The following KLHL13 variants were observed in gnomAD, a reference collection of about 807,000 sequenced individuals.
The protein encoded by KLHL13 is kelch like family member 13.
KLHL13 carries 10 observed loss-of-function variants against 37.1 expected under a neutral mutation model. The ratio of observed to expected loss-of-function variants is 0.27; its 90% CI spans 0.17 to 0.46. The LOEUF (loss-of-function observed/expected upper bound fraction) is 0.46. Ranked by LOEUF, KLHL13 falls within the 20% of genes least tolerant of loss-of-function variation. The pLI is 1.00. For missense variants in KLHL13, 360 were observed against 509.3 expected, an observed-to-expected ratio of 0.71 and a Z score of 2.82; for synonymous variants, 163 against 181.2, an observed-to-expected ratio of 0.90 and a Z score of 0.81.
At chrX:118,013,540 G>A (rs1034694649) in intron 1 of KLHL13, among the ~76,000 whole-genome samples, 2 of 112,063 alleles carry the variant, frequency 1.8e-5, no homozygotes, top group Non-Finnish European at 3.8e-5. Flanking sequence ...AGCCAAGTAA[G>A]ATAAGATGAG....
chrX:118,019,147 C>A (rs974537324), intron 1 of KLHL13, among the ~76,000 whole-genome samples: 1 of 111,207 alleles, frequency 9.0e-6, no homozygotes, highest in African/African-American at 3.3e-5. Flanking sequence ...GATTACATCT[C>A]TAGACTTATT....
intron 1 of KLHL13, among the ~76,000 whole-genome samples, chrX:118,080,739 A>T (rs2148129395): frequency 8.9e-6 from 1 of 112,362 alleles, no homozygotes; most frequent in Admixed American, 9.4e-5. Flanking sequence ...TTACCATTTG[A>T]TTCAGCAATC....
At chrX:118,061,713 T>C (rs769762374) in intron 1 of KLHL13, among the ~76,000 whole-genome samples, 2 of 111,797 alleles carry the variant, frequency 1.8e-5, no homozygotes, top group Admixed American at 1.9e-4. Context: ...GCAGAGGATA[T>C]TTGAGTCCAT....
chrX:117,981,383 A>T (rs1287920486), intron 1 of KLHL13, among the ~76,000 whole-genome samples: 7 of 112,359 alleles, frequency 6.2e-5, no homozygotes, highest in Non-Finnish European at 9.4e-5. Context: ...AACAGAATTC[A>T]TCTTCTAGGT....
intron 1 of KLHL13, among the ~76,000 whole-genome samples, chrX:118,019,813 C>T (rs2054179679): frequency 9.8e-6 from 1 of 101,574 alleles, no homozygotes; most frequent in African/African-American, 3.9e-5. Context: ...AGATATGAGG[C>T]GTTATTTCTG....
intron 1 of KLHL13, among the ~76,000 whole-genome samples, chrX:118,036,704 C>T (rs2054446821): frequency 9.0e-6 from 1 of 111,187 alleles, no homozygotes; most frequent in Non-Finnish European, 1.9e-5. Flanking sequence ...ATGTCTAAAA[C>T]ACCAAAAGCA....
chrX:118,090,714 G>C (rs1296047978), intron 1 of KLHL13, among the ~76,000 whole-genome samples: 1 of 109,579 alleles, frequency 9.1e-6, no homozygotes, highest in Admixed American at 9.7e-5. Flanking sequence ...GTGGAAGTCA[G>C]TGTGGCGATT....
chrX:118,029,590 AT>A (rs2054313599), intron 1 of KLHL13, among the ~76,000 whole-genome samples: 1 of 112,212 alleles, frequency 8.9e-6, no homozygotes, highest in Non-Finnish European at 1.9e-5. Flanking sequence ...CAAAATGTAA[AT>A]TTTACTTAAA....
At chrX:118,004,787 AG>A (rs1469992091) in intron 1 of KLHL13, among the ~76,000 whole-genome samples, 3 of 111,872 alleles carry the variant, frequency 2.7e-5, no homozygotes, top group Non-Finnish European at 5.6e-5. Context: ...ACCTTAATCA[AG>A]TTATCAAGTT....
chrX:118,007,464 T>C lies in KLHL13; in HGVS notation c.-55-61889A>G, dbSNP rs532644486. 4.0e-4 allele frequency among the ~76,000 whole-genome samples: 44 copies of C among 109,526 alleles called. 1 individual carries two copies. The South Asian group carries it at 0.018, about 44-fold the overall frequency. On this transcript the variant is annotated intron_variant, in intron 1 of 6. Coordinates refer to the KLHL13 transcript ENST00000371882. Reference sequence around the variant, plus strand: ...ATTTGGACAAAGTTATATATTAGTATTTTCAATAATGTGCCAGGGAAAAAG... The same window carrying C: ...ATTTGGACAAAGTTATATATTAGTACTTTCAATAATGTGCCAGGGAAAAAG...
At chrX:117,907,101 A>G (rs112999966) in intron 5 of KLHL13, among the ~76,000 whole-genome samples, 2,965 of 111,537 alleles carry the variant, frequency 0.027, 97 homozygotes, top group African/African-American at 0.091. Flanking sequence ...AATGAAACAC[A>G]GAAGACTGTT....
chrX:117,919,271 G>A lies in KLHL13; in HGVS notation c.570+250C>T, dbSNP rs142252523. Among the ~76,000 whole-genome samples, 1,029 of 112,003 alleles carry A rather than the reference G, an allele frequency of 9.2e-3. 17 individuals carry two copies. The highest frequency in any genetic ancestry group is 0.031 in the African/African-American group (953 of 30,802). On this transcript the variant is annotated intron_variant, in intron 4 of 6. Transcript: ENST00000262820. ...ACTCCCAACCTTAGACGATCTGCCC[G>A]CCTCGGCCTCCCAAAGTGCTGGGAT... is the stretch of plus-strand genomic sequence containing the variant.
intron 1 of KLHL13, among the ~76,000 whole-genome samples, chrX:118,101,318 AT>A (rs1171560498): frequency 1.2e-4 from 13 of 111,616 alleles, no homozygotes; most frequent in South Asian, 3.8e-4. Flanking sequence ...TCATTCATTC[AT>A]TTTCTTACCA....
At chrX:117,957,869 T>C (rs16992812) in intron 1 of KLHL13, among the ~76,000 whole-genome samples, 7,063 of 111,549 alleles carry the variant, frequency 0.063, 542 homozygotes, top group African/African-American at 0.22. Flanking sequence ...ATGAACAGCA[T>C]GCAAAAATAA....
At chrX:118,041,216 A>T (rs1481479255) in intron 1 of KLHL13, among the ~76,000 whole-genome samples, 1 of 112,501 alleles carries the variant, frequency 8.9e-6, no homozygotes, top group Non-Finnish European at 1.9e-5. Flanking sequence ...CAGCATAAAC[A>T]GTATAACAAG....
intron 1 of KLHL13, among the ~76,000 whole-genome samples, chrX:117,997,604 C>T (rs2053869383): frequency 8.9e-6 from 1 of 111,967 alleles, no homozygotes; most frequent in Non-Finnish European, 1.9e-5. Flanking sequence ...ATGTAAAGTA[C>T]GTATTGCAAG....
intron 1 of KLHL13, among the ~76,000 whole-genome samples, chrX:117,988,134 C>G (rs2053749090): frequency 8.9e-6 from 1 of 111,871 alleles, no homozygotes; most frequent in Admixed American, 9.5e-5. Context: ...AGAAAAATCT[C>G]AACAACCATT....
chrX:117,931,543 C>T (rs1198254180), intron 2 of KLHL13, among the ~76,000 whole-genome samples: 2 of 111,806 alleles, frequency 1.8e-5, no homozygotes, highest in Non-Finnish European at 3.8e-5. Flanking sequence ...AGAAGACATT[C>T]TGTGTAATTC....
At chrX:117,927,567 A>G (rs1932147101) in intron 2 of KLHL13, among the ~76,000 whole-genome samples, 2 of 112,533 alleles carry the variant, frequency 1.8e-5, no homozygotes, top group Non-Finnish European at 3.8e-5. Flanking sequence ...GCAACTGGAA[A>G]GAATTCGGAA....
Sources: gnomAD v4.1 joint callset for allele counts (sites outside exome capture counted in the v4.1 genomes callset) on GRCh38, gnomAD v4.1.1 for gene constraint, MANE v1.5 for transcripts, NCBI Gene and HGNC (gene_info 2026-07-23, HGNC 2026-07-21) for gene names.